Variants in RARB observed in about 807,000 individuals in gnomAD.
The protein encoded by RARB is retinoic acid receptor beta.
Under a neutral mutation model 51.9 loss-of-function variants are expected in RARB, and 17 were observed. The observed-to-expected ratio is 0.33, with a 90% CI of 0.22 to 0.49. The LOEUF is 0.49. Ranked by LOEUF, RARB falls within the 20% of genes least tolerant of loss-of-function variation. The pLI is 0.99. For synonymous variants in RARB, 215 were observed against 195.4 expected (o/e 1.10, Z -0.84); for missense variants, 369 against 550.8 (o/e 0.67, Z 3.30).
chr3:25,425,902 C>T (rs1707974290), upstream of RARB, among the ~76,000 whole-genome samples: 1 of 152,134 alleles, frequency 6.6e-6, no homozygotes, highest in African/African-American at 2.4e-5. Flanking sequence ...AGCAGCCTCC[C>T]CTGGATAACA....
intron 2 of RARB, among the ~76,000 whole-genome samples, chr3:25,464,706 C>CA (rs1219447186): frequency 5.9e-5 from 9 of 151,750 alleles, no homozygotes; most frequent in Non-Finnish European, 1.2e-4. Flanking sequence ...ATTATCAATA[C>CA]AGTATAGAAT....
At chr3:25,594,475 G>A (rs775690551) in intron 6 of RARB, 45 bp from the exon 7 acceptor site, 2 of 1,535,766 alleles carry the variant, frequency 1.3e-6, no homozygotes, top group South Asian at 1.3e-5. Context: ...AGGGGAAAAG[G>A]GCATAAATCC....
intron 2 of RARB, among the ~76,000 whole-genome samples, chr3:24,892,382 T>C (rs918441972): frequency 3.3e-4 from 50 of 152,144 alleles, no homozygotes; most frequent in African/African-American, 1.1e-3. Context: ...GGGTAAAGCT[T>C]AGTCCAGTTG....
intron 2 of RARB, among the ~76,000 whole-genome samples, chr3:25,030,883 A>T (rs1267838512): frequency 6.6e-6 from 1 of 152,174 alleles, no homozygotes; most frequent in African/African-American, 2.4e-5. Context: ...AAAATCAAAA[A>T]TTTATTTTCC....
intron 2 of RARB, among the ~76,000 whole-genome samples, chr3:25,017,771 A>G (rs564173240): frequency 1.8e-4 from 27 of 152,308 alleles, no homozygotes; most frequent in African/African-American, 5.3e-4. Flanking sequence ...CACAAAGAAT[A>G]GTATTAATCC....
intron 3 of RARB, among the ~76,000 whole-genome samples, chr3:25,066,552 C>G (rs1363817360): frequency 6.6e-6 from 1 of 152,022 alleles, no homozygotes; most frequent in Non-Finnish European, 1.5e-5. Context: ...ACATTTTACT[C>G]TCCTGATTCT....
intron 5 of RARB, among the ~76,000 whole-genome samples, chr3:25,215,928 A>G (rs1168691528): frequency 6.6e-6 from 1 of 152,170 alleles, no homozygotes; most frequent in Non-Finnish European, 1.5e-5. Flanking sequence ...TTTACAGGGG[A>G]AGAACTTTAG....
chr3:25,361,649 C>A (rs1451085043), intron 5 of RARB, among the ~76,000 whole-genome samples: 1 of 152,044 alleles, frequency 6.6e-6, no homozygotes, highest in Non-Finnish European at 1.5e-5. Flanking sequence ...TGTTGGTGAC[C>A]TTCAGTGAGT....
intron 4 of RARB, among the ~76,000 whole-genome samples, chr3:25,143,446 T>C (rs1700140809): frequency 6.6e-6 from 1 of 152,180 alleles, no homozygotes; most frequent in Admixed American, 6.5e-5. Context: ...AGATGTGGAT[T>C]GAGGCCCACC....
chr3:24,890,023 G>T (rs1703347281), intron 2 of RARB, among the ~76,000 whole-genome samples: 1 of 152,006 alleles, frequency 6.6e-6, no homozygotes, highest in South Asian at 2.1e-4. Context: ...AGCAGTATAT[G>T]CAGTAATTAC....
chr3:25,592,659 G>A (rs1212826580), intron 5 of RARB, among the ~76,000 whole-genome samples: 2 of 152,182 alleles, frequency 1.3e-5, no homozygotes, highest in East Asian at 1.9e-4. Flanking sequence ...AGCGCCCCAG[G>A]GGGCCAACAG....
intron 2 of RARB, among the ~76,000 whole-genome samples, chr3:24,949,919 G>T (rs955242021): frequency 6.6e-6 from 1 of 152,272 alleles, no homozygotes; most frequent in East Asian, 1.9e-4. Context: ...AACTGACACC[G>T]GATTCTCCAG....
intron 2 of RARB, among the ~76,000 whole-genome samples, chr3:25,496,344 C>A (rs1363554222): frequency 6.6e-6 from 1 of 152,196 alleles, no homozygotes; most frequent in Non-Finnish European, 1.5e-5. Flanking sequence ...TCCCTTCCTC[C>A]ATCCAACTGT....
intron 5 of RARB, among the ~76,000 whole-genome samples, chr3:25,405,147 G>A (rs1230150677): frequency 6.6e-6 from 1 of 152,150 alleles, no homozygotes; most frequent in Admixed American, 6.5e-5. Context: ...CCAGAGACCG[G>A]AGCAGAGGCC....
chr3:25,367,764 C>G (rs1399870559), intron 5 of RARB, among the ~76,000 whole-genome samples: 2 of 149,626 alleles, frequency 1.3e-5, no homozygotes, highest in East Asian at 4.0e-4. Flanking sequence ...AGATCGCACC[C>G]CTGCACTCCA....
intron 1 of RARB, among the ~76,000 whole-genome samples, chr3:24,849,464 T>TAG (rs1462273987): frequency 1.3e-5 from 2 of 152,248 alleles, no homozygotes; most frequent in East Asian, 3.8e-4. Context: ...ATTGCTGCCT[T>TAG]AGCAAATATA....
intron 1 of RARB, among the ~76,000 whole-genome samples, chr3:25,451,243 C>A (rs1468251414): frequency 6.6e-6 from 1 of 152,250 alleles, no homozygotes; most frequent in Non-Finnish European, 1.5e-5. Context: ...AACGTTGTCT[C>A]TGGTTTACCA....
intron 3 of RARB, among the ~76,000 whole-genome samples, chr3:25,531,389 TAGA>T (rs1698905251): frequency 3.7e-5 from 1 of 26,964 alleles, no homozygotes; most frequent in East Asian, 2.0e-3. Flanking sequence ...GATAGATAGG[TAGA>T]TAGATAGATA....
At chr3:25,201,659 A>C (rs896416795) in intron 5 of RARB, among the ~76,000 whole-genome samples, 3 of 152,258 alleles carry the variant, frequency 2.0e-5, no homozygotes, top group South Asian at 2.1e-4. Flanking sequence ...GAGTTTTGTC[A>C]AAGGCCTTTT....
Sources: allele counts gnomAD v4.1 joint callset (sites outside exome capture counted in the v4.1 genomes callset), GRCh38; gene constraint gnomAD v4.1.1; transcripts MANE v1.5; gene names NCBI Gene and HGNC (gene_info 2026-07-23, HGNC 2026-07-21).